KIT: variants seen among roughly 807,000 people sequenced by gnomAD.
KIT encodes KIT proto-oncogene, receptor tyrosine kinase.
A neutral mutation model predicts 105.7 loss-of-function variants in KIT; 16 were observed. The ratio of observed to expected loss-of-function variants is 0.15; its 90% CI spans 0.10 to 0.23. The LOEUF is 0.23. KIT is among the 10% of genes least tolerant of loss of function. KIT has a pLI of 1.00. For missense variants in KIT, 858 were observed against 1,213.8 expected, an observed-to-expected ratio of 0.71 and a Z score of 4.36; for synonymous variants, 438 against 441.1, an observed-to-expected ratio of 0.99 and a Z score of 0.09.
chr4:54,660,026 C>G (rs933753383), intron 1 of KIT, among the ~76,000 whole-genome samples: 1 of 152,112 alleles, frequency 6.6e-6, no homozygotes, highest in Admixed American at 6.5e-5. Flanking sequence ...CTCCAGAGTA[C>G]AAGGAGGCAT....
chr4:54,695,637 A>G lies in KIT; in HGVS notation c.193A>G (p.Lys65Glu), dbSNP rs1407600939. 7 of 1,614,264 alleles carry G rather than the reference A, an allele frequency of 4.3e-6. No homozygotes were observed. The highest frequency in any genetic ancestry group is 1.6e-4 in the Middle Eastern group (1 of 6,062). Residue 65 changes from lysine (K) to glutamate (E), a missense_variant, in exon 2 of 21, where the codon AAA (lysine) becomes GAA (glutamate). Transcript: ENST00000288135. ...RLLCTDPGFV[K>E]WTFEILDETN... ...GTTATGCACTGATCCGGGCTTTGTC[A>G]AATGGACTTTTGAGATCCTGGATGA... is the stretch of plus-strand genomic sequence containing the variant.
intron 1 of KIT, among the ~76,000 whole-genome samples, chr4:54,659,006 A>G (rs562725757): frequency 6.6e-6 from 1 of 152,234 alleles, no homozygotes; most frequent in Admixed American, 6.5e-5. Flanking sequence ...CACGCCGGCC[A>G]GAGTGCCCGG....
intron 1 of KIT, among the ~76,000 whole-genome samples, chr4:54,667,517 A>G (rs750707433): frequency 5.9e-5 from 9 of 152,190 alleles, no homozygotes; most frequent in African/African-American, 1.2e-4. Flanking sequence ...TGAATGGCCA[A>G]TTGAAAGGAA....
Position 54,740,508 on chromosome 4 carries a change from A to T in KIT, c.*1951A>T, listed in dbSNP as rs1177090709. The T allele has an allele frequency of 4.3e-6, 1 of 233,056 alleles. No individual in the cohort carries two copies. Among genetic ancestry groups the T allele is most frequent in the African/African-American group, 2.2e-5 (1 of 45,302 alleles). The allele number at this position is 233,056 out of a possible 1,614,324, so 14.4% of individuals were successfully genotyped here. On this transcript the variant is annotated 3_prime_UTR_variant, in exon 21 of 21. Transcript: ENST00000288135. ...AATTATTTTGTGGCTTTTTTTGTAA[A>T]TATTGAAATGTAGCAATAATGTCTT...
At chr4:54,696,669 G>A (rs1394350203) in intron 2 of KIT, among the ~76,000 whole-genome samples, 1 of 152,252 alleles carries the variant, frequency 6.6e-6, no homozygotes, top group East Asian at 1.9e-4. Flanking sequence ...AAGATGATCT[G>A]TTCTGTCTTC....
intron 1 of KIT, among the ~76,000 whole-genome samples, chr4:54,692,639 AATAAT>A (rs1719788751): frequency 1.3e-5 from 2 of 152,198 alleles, no homozygotes; most frequent in Non-Finnish European, 2.9e-5. Flanking sequence ...AAAAGGAATA[AATAAT>A]ATAAATAATA....
intron 13 of KIT, 60 bp downstream of exon 13, chr4:54,728,181 A>C (rs915618863): frequency 1.6e-6 from 2 of 1,279,640 alleles, no homozygotes; most frequent in Middle Eastern, 1.8e-4. Context: ...ATGACATTTT[A>C]ATATGATTTT....
chr4:54,707,150 C>T lies in KIT; in HGVS notation c.978C>T (p.Asn326=), dbSNP rs148594615. 1.1e-4 allele frequency: 168 copies of T among 1,580,842 alleles called. No individual in the cohort carries two copies. Among genetic ancestry groups the T allele is most frequent in the East Asian group, 1.6e-4 (7 of 44,672 alleles). ...FPMINTTVFV[N]DGENVDLIVE... ...TGATAAACACTACAGTATTTGTAAACGATGGAGAAAATGTAGATTTGATTG... is the reference window on the plus strand; with the variant it reads ...TGATAAACACTACAGTATTTGTAAATGATGGAGAAAATGTAGATTTGATTG... The change falls in exon 6 of 21, where the codon AAC becomes AAT. Residue 326 remains asparagine (N), a synonymous_variant. Coordinates refer to ENST00000288135, the MANE Select transcript of KIT (RefSeq NM_000222.3).
rs200731869 is a variant in KIT at position 54,731,858 on chromosome 4, C to G, written c.2234-13C>G. On this transcript the variant is annotated splice_polypyrimidine_tract_variant and intron_variant, in intron 15 of 20. Coordinates refer to ENST00000288135, the MANE Select transcript of KIT (RefSeq NM_000222.3). ...GGTTGTAATTGCTAAGAAAAATCCTCTCTTCCTCACAGGCTCATACATAGA... is the reference window on the plus strand; with the variant it reads ...GGTTGTAATTGCTAAGAAAAATCCTGTCTTCCTCACAGGCTCATACATAGA... 3.4e-5 allele frequency: 55 copies of G among 1,613,142 alleles called. No individual in the cohort carries two copies. In the Middle Eastern group the frequency reaches 5.0e-4, roughly 15 times the overall value.
Position 54,695,747 on chromosome 4 carries a change from C to T in KIT, c.303C>T (p.His101=), listed in dbSNP as rs145333060. ...GCAAATACACGTGCACCAACAAACA[C>T]GGCTTAAGCAATTCCATTTATGTGT... ...NTGKYTCTNK[H]GLSNSIYVFV... The change falls in exon 2 of 21, where the codon CAC becomes CAT. Residue 101 remains histidine, a synonymous_variant. Transcript: ENST00000288135. 20 of 1,614,096 alleles carry T rather than the reference C, an allele frequency of 1.2e-5. No individual in the cohort carries two copies. The highest frequency in any genetic ancestry group is 1.6e-4 in the Middle Eastern group (1 of 6,084).
intron 9 of KIT, 55 bp downstream of exon 9, chr4:54,726,105 C>T (rs1722203246): frequency 7.1e-7 from 1 of 1,409,450 alleles, no homozygotes; most frequent in Non-Finnish European, 1.0e-6. Context: ...TCTACCATAT[C>T]AGTCATGATT....
At chr4:54,687,453 A>G (rs77764874) in intron 1 of KIT, among the ~76,000 whole-genome samples, 2 of 151,918 alleles carry the variant, frequency 1.3e-5, no homozygotes, top group Non-Finnish European at 2.9e-5. Flanking sequence ...AAAAAAAAAT[A>G]AAAAAAAGAC....
chr4:54,712,716 A>G (rs952850621), intron 7 of KIT, among the ~76,000 whole-genome samples: 15 of 152,176 alleles, frequency 9.9e-5, no homozygotes, highest in African/African-American at 3.6e-4. Context: ...GCCTTCCAAA[A>G]GGATATCTTC....
intron 1 of KIT, among the ~76,000 whole-genome samples, chr4:54,664,779 T>G (rs977326937): frequency 6.6e-6 from 1 of 151,728 alleles, no homozygotes; most frequent in African/African-American, 2.4e-5. Context: ...GCTAATTTTT[T>G]TATTTCTATT....
At position 54,731,996 on chromosome 4, in the gene KIT, A is replaced by T. The variant is rs1216980484; in HGVS notation, c.2359A>T (p.Asn787Tyr). 6.2e-7 allele frequency: 1 copy of T among 1,612,796 alleles called. No individual in the cohort carries two copies. The highest frequency in any genetic ancestry group is 8.5e-7 in the Non-Finnish European group (1 of 1,179,484). Residue 787 changes from asparagine to tyrosine, a missense_variant and splice_region_variant, in exon 16 of 21, where the codon AAT (asparagine) becomes TAT (tyrosine). By Grantham distance (143) the Asn-to-Tyr change is moderately radical. Transcript: ENST00000288135. Reference protein sequence around the residue: ...AKGMAFLASKNCIHRDLAARN... With the variant: ...AKGMAFLASKYCIHRDLAARN... ...GGGCATGGCTTTCCTCGCCTCCAAGAATGTAAGTGGGAGTGATTCTCTAAA... is the reference window on the plus strand; with the variant it reads ...GGGCATGGCTTTCCTCGCCTCCAAGTATGTAAGTGGGAGTGATTCTCTAAA...
intron 4 of KIT, among the ~76,000 whole-genome samples, chr4:54,702,259 A>C (rs780403552): frequency 2.0e-5 from 3 of 152,208 alleles, no homozygotes; most frequent in Non-Finnish European, 2.9e-5. Flanking sequence ...ATTTTCTAGT[A>C]GGTACATTAC....
intron 11 of KIT, 39 bp from the exon 12 acceptor site, chr4:54,727,784 G>GCAC: frequency 6.6e-7 from 1 of 1,514,594 alleles, no homozygotes; most frequent in East Asian, 2.3e-5. Flanking sequence ...TCCACCACCA[G>GCAC]CACCATCACC....
chr4:54,663,243 G>C (rs6554200), intron 1 of KIT, among the ~76,000 whole-genome samples: 87,630 of 152,060 alleles, frequency 0.58, 25,588 homozygotes, highest in African/African-American at 0.66. Flanking sequence ...AAATTGACAC[G>C]CTGGATTTTT....
At chr4:54,712,048 C>T (rs567277901) in intron 7 of KIT, among the ~76,000 whole-genome samples, 16 of 151,998 alleles carry the variant, frequency 1.1e-4, no homozygotes, top group African/African-American at 3.4e-4. Flanking sequence ...GTAGGTAAAT[C>T]GGTATCCTTG....
Sources: allele counts gnomAD v4.1 joint callset (sites outside exome capture counted in the v4.1 genomes callset), GRCh38; gene constraint gnomAD v4.1.1; transcripts MANE v1.5; gene names NCBI Gene and HGNC (gene_info 2026-07-23, HGNC 2026-07-21).